Variants in USP4 observed in about 807,000 individuals in gnomAD.
USP4 encodes ubiquitin specific peptidase 4.
A neutral mutation model predicts 118.2 loss-of-function variants in USP4; 72 were observed. The observed-to-expected ratio is 0.61, with a 90% CI of 0.50 to 0.74. The LOEUF is 0.74. Ranked by LOEUF, USP4 falls within the 30% of genes least tolerant of loss-of-function variation. The probability of loss-of-function intolerance (pLI) is 0.00; values close to 1 mark genes in which losing one functional copy is unlikely to be tolerated. For synonymous variants in USP4, 415 were observed against 440.4 expected, an observed-to-expected ratio of 0.94 and a Z score of 0.72; for missense variants, 1,037 against 1,185.7, an observed-to-expected ratio of 0.87 and a Z score of 1.84.
intron 3 of USP4, 136 bp from the exon 4 acceptor site, chr3:49,325,981 A>G (rs921370188): frequency 8.6e-7 from 1 of 1,162,146 alleles, no homozygotes; most frequent in Non-Finnish European, 1.2e-6. Flanking sequence ...GATCAAAAGA[A>G]CAGATTTTTA....
At chr3:49,283,882 A>T (rs1417788354) in intron 19 of USP4, 105 bp downstream of exon 19, 8 of 1,395,146 alleles carry the variant, frequency 5.7e-6, no homozygotes, top group Non-Finnish European at 8.0e-6. Context: ...GGCAACACAC[A>T]TCCTTACTCA....
At position 49,284,391 on chromosome 3, in the gene USP4, G is replaced by A; in HGVS notation, c.2390+75C>T. The A allele has an allele frequency of 2.4e-6, 3 of 1,230,000 alleles. No individual in the cohort carries two copies. The South Asian group carries it at 3.8e-5, about 16-fold the overall frequency. 76.2% of individuals were successfully genotyped at this position (1,230,000 alleles called of 1,614,324 possible). A position where few individuals can be genotyped will look rare whatever the true frequency, so the allele number is the denominator to read the frequency against. ...CACATCCAAATACAAAGGGGTTTAT[G>A]TGCACAGATGGCCCTAGCAGATCTG... On this transcript the variant is annotated intron_variant, in intron 18 of 21. Coordinates refer to ENST00000265560, the MANE Select transcript of USP4 (RefSeq NM_003363.4).
chr3:49,311,389 A>G, intron 7 of USP4, 125 bp downstream of exon 7: 1 of 1,033,838 alleles, frequency 9.7e-7, no homozygotes, highest in South Asian at 1.6e-5. Context: ...GAGAAACTAC[A>G]TGTAGCATGT....
intron 19 of USP4, among the ~76,000 whole-genome samples, chr3:49,281,531 C>CACACACACAT (rs1491180240): frequency 1.5e-5 from 2 of 135,404 alleles, no homozygotes; most frequent in African/African-American, 5.3e-5. Context: ...CACACACACA[C>CACACACACAT]ATATATACAT....
intron 8 of USP4, among the ~76,000 whole-genome samples, chr3:49,309,941 A>ATTTTTTTTTTT (rs2047365541): frequency 5.2e-4 from 8 of 15,396 alleles, no homozygotes; most frequent in South Asian, 5.2e-3. Flanking sequence ...CTTTTTTTTA[A>ATTTTTTTTTTT]TCTTTTTTTT....
At chr3:49,316,222 T>G (rs967429280) in intron 6 of USP4, among the ~76,000 whole-genome samples, 4 of 152,090 alleles carry the variant, frequency 2.6e-5, no homozygotes, top group African/African-American at 9.7e-5. Flanking sequence ...AAATAAAGAC[T>G]GACCTCAAGT....
rs1273749464 is a variant in USP4, at chr3:49,284,143, A to G, written c.2391-7T>C. 6.2e-7 allele frequency: 1 copy of G among 1,614,090 alleles called. No individual in the cohort carries two copies. The highest frequency in any genetic ancestry group is 8.5e-7 in the Non-Finnish European group (1 of 1,180,040). On this transcript the variant is annotated splice_polypyrimidine_tract_variant and splice_region_variant and intron_variant, in intron 18 of 21. Coordinates refer to ENST00000265560, the MANE Select transcript of USP4 (RefSeq NM_003363.4). Reference sequence around the variant, plus strand: ...CTTACAGTTGGGACAGTACCTAAAAAGAGAAACCTCCACTTAGCAGGGCAA... The same window carrying G: ...CTTACAGTTGGGACAGTACCTAAAAGGAGAAACCTCCACTTAGCAGGGCAA...
At chr3:49,320,345 G>A (rs576569747) in intron 6 of USP4, among the ~76,000 whole-genome samples, 1 of 152,312 alleles carries the variant, frequency 6.6e-6, no homozygotes, top group East Asian at 1.9e-4. Context: ...GAGAGGCTGA[G>A]GCAGGAGAAT....
At chr3:49,293,855 G>C (rs1295057232) in intron 14 of USP4, among the ~76,000 whole-genome samples, 1 of 152,008 alleles carries the variant, frequency 6.6e-6, no homozygotes, top group Non-Finnish European at 1.5e-5. Context: ...CCATCAAAGC[G>C]CTAGCCTCCC....
intron 13 of USP4, among the ~76,000 whole-genome samples, chr3:49,297,142 C>T (rs991386198): frequency 6.6e-6 from 1 of 152,148 alleles, no homozygotes; most frequent in African/African-American, 2.4e-5. Context: ...AGGCAAGTTC[C>T]TGAGTGAGAG....
At chr3:49,298,006 A>G (rs1458606656) in intron 12 of USP4, 42 bp from the exon 13 acceptor site, 1 of 1,333,316 alleles carries the variant, frequency 7.5e-7, no homozygotes. Flanking sequence ...AATGGCTAAG[A>G]GTGCCCCTAC....
At chr3:49,310,781 C>T in intron 7 of USP4, 44 bp from the exon 8 acceptor site, 1 of 1,475,154 alleles carries the variant, frequency 6.8e-7, no homozygotes, top group Non-Finnish European at 9.5e-7. Flanking sequence ...AAGTGCATAA[C>T]ACATGCCCTC....
At chr3:49,285,736 T>C (rs1187725989) in intron 16 of USP4, among the ~76,000 whole-genome samples, 1 of 152,182 alleles carries the variant, frequency 6.6e-6, no homozygotes, top group Non-Finnish European at 1.5e-5. Flanking sequence ...AATGGGTACA[T>C]TTCGTGAGTA....
chr3:49,308,220 G>A (rs1166606539), intron 8 of USP4, among the ~76,000 whole-genome samples: 1 of 152,122 alleles, frequency 6.6e-6, no homozygotes, highest in Non-Finnish European at 1.5e-5. Context: ...AGGGTGAGAA[G>A]GGCTAGCCAC....
At chr3:49,289,466 T>C (rs2047130351) in intron 15 of USP4, among the ~76,000 whole-genome samples, 1 of 152,196 alleles carries the variant, frequency 6.6e-6, no homozygotes, top group South Asian at 2.1e-4. Context: ...CCAGGGGCTG[T>C]TCAGAGACCT....
chr3:49,287,302 G>A (rs1422219977), intron 15 of USP4, among the ~76,000 whole-genome samples: 2 of 152,040 alleles, frequency 1.3e-5, no homozygotes, highest in East Asian at 3.9e-4. Flanking sequence ...CTACAGGTGC[G>A]TGCTACCACA....
intron 15 of USP4, among the ~76,000 whole-genome samples, chr3:49,288,453 T>A (rs900997044): frequency 1.3e-5 from 2 of 152,048 alleles, no homozygotes; most frequent in African/African-American, 4.8e-5. Context: ...CGCAGGTGGA[T>A]CACCTGAGGT....
At chr3:49,325,634 T>C in intron 4 of USP4, 85 bp downstream of exon 4, 5 of 1,545,486 alleles carry the variant, frequency 3.2e-6, no homozygotes, top group Non-Finnish European at 3.5e-6. Flanking sequence ...AGAGGGCATA[T>C]AAAATAATGC....
At chr3:49,311,055 CA>C (rs2047376773) in intron 7 of USP4, among the ~76,000 whole-genome samples, 1 of 152,164 alleles carries the variant, frequency 6.6e-6, no homozygotes, top group African/African-American at 2.4e-5. Flanking sequence ...TACTACCCAC[CA>C]GGCCACACCC....
Sources: gnomAD v4.1 joint callset for allele counts (sites outside exome capture counted in the v4.1 genomes callset) on GRCh38, gnomAD v4.1.1 for gene constraint, MANE v1.5 for transcripts, NCBI Gene and HGNC (gene_info 2026-07-23, HGNC 2026-07-21) for gene names.